The following PCDHA1 variants were observed in gnomAD, a reference collection of about 807,000 sequenced individuals.
PCDHA1 encodes protocadherin alpha-1.
A neutral mutation model predicts 61.3 loss-of-function variants in PCDHA1; 42 were observed. The ratio of observed to expected loss-of-function variants is 0.69; its 90% confidence interval spans 0.54 to 0.89. PCDHA1 has a LOEUF of 0.89. PCDHA1 is among the 40% of genes least tolerant of loss of function. The pLI is 0.00. For missense variants in PCDHA1, 1,256 were observed against 1,235.3 expected (o/e 1.02, Z -0.25); for synonymous variants, 610 against 553.8 (o/e 1.10, Z -1.43).
intron 1 of PCDHA1, chr5:140,842,630 G>A: frequency 6.3e-7 from 1 of 1,586,074 alleles, no homozygotes; most frequent in Non-Finnish European, 8.6e-7. Context: ...TTCGCTGTGG[G>A]CCACCGCCAG....
At chr5:140,956,181 T>C (rs1351584707) in intron 1 of PCDHA1, among the ~76,000 whole-genome samples, 1 of 152,212 alleles carries the variant, frequency 6.6e-6, no homozygotes, top group South Asian at 2.1e-4. Flanking sequence ...CTTCCAATAC[T>C]ATGCTGAATA....
intron 1 of PCDHA1, among the ~76,000 whole-genome samples, chr5:140,952,174 A>T (rs1376987356): frequency 6.6e-6 from 1 of 152,096 alleles, no homozygotes; most frequent in Non-Finnish European, 1.5e-5. Flanking sequence ...CAGTTCCTGC[A>T]GCTGCTCTCA....
chr5:140,917,837 T>G (rs2078388052), intron 1 of PCDHA1, among the ~76,000 whole-genome samples: 1 of 152,174 alleles, frequency 6.6e-6, no homozygotes, highest in Non-Finnish European at 1.5e-5. Context: ...GATGTCCTTC[T>G]TGTTCTTTTT....
chr5:140,829,742 C>G, intron 1 of PCDHA1: 1 of 1,613,678 alleles, frequency 6.2e-7, no homozygotes, highest in Non-Finnish European at 8.5e-7. Context: ...CAACGTGACG[C>G]TGCAGGTGTT....
intron 1 of PCDHA1, among the ~76,000 whole-genome samples, chr5:140,939,732 G>C (rs2092446551): frequency 6.6e-6 from 1 of 152,168 alleles, no homozygotes; most frequent in African/African-American, 2.4e-5. Context: ...GTTGTGTGTA[G>C]CTGTGTATCA....
Position 141,009,935 on chromosome 5 carries a change from T to TGAG in PCDHA1, c.2853_*2dup. Reference sequence around the variant, plus strand: ...CAGCACGACTGACAACAGTGACCAGTGAGGTCCTCAAATGGAAACAAGCCA... The same window carrying TGAG: ...CAGCACGACTGACAACAGTGACCAGTGAGGAGGTCCTCAAATGGAAACAAGCCA... On this transcript the variant is annotated inframe_insertion and stop_retained_variant, in exon 4 of 4. Transcript: ENST00000504120. 6.2e-7 allele frequency: 1 copy of TGAG among 1,602,418 alleles called. No individual in the cohort carries two copies. The highest frequency in any genetic ancestry group is 8.5e-7 in the Non-Finnish European group (1 of 1,176,054).
chr5:140,981,883 C>T (rs1488792007), intron 2 of PCDHA1, among the ~76,000 whole-genome samples: 1 of 152,146 alleles, frequency 6.6e-6, no homozygotes, highest in Non-Finnish European at 1.5e-5. Context: ...GAATTAATCT[C>T]TTCTGAGCGG....
At chr5:140,882,567 C>T (rs1554174625) in intron 1 of PCDHA1, 12 of 1,614,092 alleles carry the variant, frequency 7.4e-6, no homozygotes, top group East Asian at 2.2e-5. Context: ...GGGCGGAGCG[C>T]GGAGTGCAGC....
chr5:140,897,997 G>C (rs1174176296), intron 1 of PCDHA1, among the ~76,000 whole-genome samples: 1 of 152,168 alleles, frequency 6.6e-6, no homozygotes, highest in Non-Finnish European at 1.5e-5. Context: ...CTTTTGAGAA[G>C]TGTCTGTTCA....
At chr5:140,818,560 G>A (rs1554127511) in intron 1 of PCDHA1, among the ~76,000 whole-genome samples, 1 of 152,194 alleles carries the variant, frequency 6.6e-6, no homozygotes, top group East Asian at 1.9e-4. Flanking sequence ...AATCAGGCCA[G>A]GCATGGTGGC....
chr5:140,801,237 C>T, intron 1 of PCDHA1: 1 of 1,613,110 alleles, frequency 6.2e-7, no homozygotes, highest in Non-Finnish European at 8.5e-7. Context: ...AGCCCAGTGC[C>T]TGCTGCTTTC....
At chr5:140,928,032 TAGTGC>T (rs782031018) in intron 1 of PCDHA1, 7 of 1,614,216 alleles carry the variant, frequency 4.3e-6, no homozygotes, top group Non-Finnish European at 5.9e-6. Context: ...GTGGCATGTC[TAGTGC>T]AGGCCCTTTT....
intron 1 of PCDHA1, chr5:140,870,154 G>T (rs1243170344): frequency 6.2e-7 from 1 of 1,614,130 alleles, no homozygotes; most frequent in African/African-American, 1.3e-5. Flanking sequence ...TGAAGTCGCC[G>T]TGACTTCCTT....
chr5:140,868,937 C>T (rs2050742656), intron 1 of PCDHA1: 1 of 1,209,168 alleles, frequency 8.3e-7, no homozygotes, highest in East Asian at 2.5e-5. Flanking sequence ...AAAGGTTGGT[C>T]TGAACAGTGA....
rs1011167502 is a variant in PCDHA1 at position 140,786,578 on chromosome 5, C to T, written c.288C>T (p.Cys96=). ...CTCGGATCGATCGCGAGGAGCTGTG[C>T]CAGTGGAGCGCGGAGTGCAGCATCC... ...VNSRIDREEL[C]QWSAECSIHL... The change falls in exon 1 of 4, where the codon TGC becomes TGT. Residue 96 remains cysteine, a synonymous_variant. Transcript: ENST00000504120. The T allele has an allele frequency of 6.2e-7, 1 of 1,614,212 alleles. No individual in the cohort carries two copies.
chr5:140,976,054 G>A (rs1554237225), intron 1 of PCDHA1, among the ~76,000 whole-genome samples: 1 of 152,134 alleles, frequency 6.6e-6, no homozygotes, highest in African/African-American at 2.4e-5. Context: ...AATTGTGATA[G>A]TAATATATGT....
At chr5:140,953,546 T>G (rs2094902084) in intron 1 of PCDHA1, among the ~76,000 whole-genome samples, 1 of 152,136 alleles carries the variant, frequency 6.6e-6, no homozygotes, top group African/African-American at 2.4e-5. Context: ...ATGCTGATTC[T>G]TTTCTCCAAG....
chr5:140,917,327 GGGA>G (rs1563018681), intron 1 of PCDHA1, among the ~76,000 whole-genome samples: 5 of 149,526 alleles, frequency 3.3e-5, no homozygotes, highest in Admixed American at 6.6e-5. Context: ...CATGTGGCGG[GGGA>G]GGGGGGGGAT....
Position 140,941,473 on chromosome 5 carries a change from G to A in PCDHA1, c.2395-37476G>A, listed in dbSNP as rs192163900. Among the ~76,000 whole-genome samples, 149 of 151,018 alleles carry A rather than the reference G, an allele frequency of 9.9e-4. 1 individual carries two copies. Among genetic ancestry groups the A allele is most frequent in the African/African-American group, 3.5e-3 (143 of 41,138 alleles). Reference sequence around the variant, plus strand: ...TGGGATTACAGGCGCCCACCACCACGCCTGGCTAATTTTTTGTATTTTTAG... The same window carrying A: ...TGGGATTACAGGCGCCCACCACCACACCTGGCTAATTTTTTGTATTTTTAG... On this transcript the variant is annotated intron_variant, in intron 1 of 3. Coordinates refer to ENST00000504120, the MANE Select transcript of PCDHA1 (RefSeq NM_018900.4).
Sources: allele counts gnomAD v4.1 joint callset (sites outside exome capture counted in the v4.1 genomes callset), GRCh38; gene constraint gnomAD v4.1.1; transcripts MANE v1.5; gene names NCBI Gene and HGNC (gene_info 2026-07-23, HGNC 2026-07-21).